Variants in PLCB4 observed in about 807,000 individuals in gnomAD.
The protein encoded by PLCB4 is 1-phosphatidylinositol 4,5-bisphosphate phosphodiesterase beta-4.
In PLCB4, 77 loss-of-function variants were observed where a neutral mutation model predicts 178.8. That is an observed-to-expected ratio of 0.43 (90% CI 0.36 to 0.52). PLCB4 has a LOEUF of 0.52. Among genes scored for constraint, PLCB4 ranks in the 20% least tolerant of loss-of-function variants. PLCB4 has a pLI of 0.00. For synonymous variants in PLCB4, 496 were observed against 490.8 expected, an observed-to-expected ratio of 1.01 and a Z score of -0.14; for missense variants, 1,024 against 1,453.4, an observed-to-expected ratio of 0.70 and a Z score of 4.80.
chr20:9,175,409 T>C (rs2093138015), intron 2 of PLCB4, among the ~76,000 whole-genome samples: 1 of 152,158 alleles, frequency 6.6e-6, no homozygotes. Context: ...CGATAAACAG[T>C]GCACTAAAGA....
At chr20:9,176,388 G>A (rs2093155643) in intron 2 of PLCB4, among the ~76,000 whole-genome samples, 1 of 152,070 alleles carries the variant, frequency 6.6e-6, no homozygotes, top group Admixed American at 6.5e-5. Flanking sequence ...GGTGGTAGAC[G>A]CATGATCAGA....
intron 2 of PLCB4, among the ~76,000 whole-genome samples, chr20:9,149,375 C>T (rs905576156): frequency 6.6e-6 from 1 of 152,176 alleles, no homozygotes; most frequent in African/African-American, 2.4e-5. Context: ...TTCACTGTCC[C>T]TCTGTGGTCT....
In PLCB4 at chr20:9,457,487, A is replaced by G. The variant is rs765459486; in HGVS notation, c.3070A>G (p.Lys1024Glu). 2.6e-5 allele frequency: 38 copies of G among 1,461,360 alleles called. No homozygotes were observed. Among genetic ancestry groups the G allele is most frequent in the Non-Finnish European group, 2.3e-5 (24 of 1,041,086 alleles). The allele number at this position is 1,461,360 out of a possible 1,614,324, so 90.5% of individuals were successfully genotyped here. Reference sequence around the variant, plus strand: ...GACGCTGACATCAGATCACAAATCTAAGGTAAGAAAATGCCCATTTTTACA... The same window carrying G: ...GACGCTGACATCAGATCACAAATCTGAGGTAAGAAAATGCCCATTTTTACA... ...IQTLTSDHKS[K>E]VKEIVAQHTK... The change falls in exon 34 of 40, where the codon AAG becomes GAG. Residue 1024 changes from lysine to glutamate, a missense_variant and splice_region_variant. Physicochemically the swap from Lys to Glu is moderately conservative, Grantham distance 56. Transcript: ENST00000378473.
At chr20:9,222,403 C>T (rs2093811137) in intron 3 of PLCB4, among the ~76,000 whole-genome samples, 1 of 151,994 alleles carries the variant, frequency 6.6e-6, no homozygotes, top group South Asian at 2.1e-4. Flanking sequence ...CTCTTGGGTG[C>T]CTTCGATTCA....
intron 28 of PLCB4, among the ~76,000 whole-genome samples, chr20:9,431,678 G>C (rs1470870337): frequency 6.7e-6 from 1 of 150,332 alleles, no homozygotes; most frequent in Non-Finnish European, 1.5e-5. Flanking sequence ...GTGTGTGTGT[G>C]TGTGTATTTT....
chr20:9,219,061 T>C (rs186478939), intron 3 of PLCB4, among the ~76,000 whole-genome samples: 1 of 152,328 alleles, frequency 6.6e-6, no homozygotes, highest in Admixed American at 6.5e-5. Context: ...TATAAACACT[T>C]GATTCAAGAG....
At chr20:9,375,057 C>T (rs1236819323) in intron 12 of PLCB4, among the ~76,000 whole-genome samples, 1 of 152,114 alleles carries the variant, frequency 6.6e-6, no homozygotes, top group Non-Finnish European at 1.5e-5. Context: ...TAAGACTACT[C>T]AGGAAAGTCT....
intron 2 of PLCB4, among the ~76,000 whole-genome samples, chr20:9,144,177 G>T (rs558323148): frequency 1.3e-5 from 2 of 152,102 alleles, no homozygotes; most frequent in African/African-American, 4.8e-5. Context: ...TGAAAGTTTA[G>T]TAAGTTTCTG....
At chr20:9,413,399 C>G (rs969882383) in intron 25 of PLCB4, among the ~76,000 whole-genome samples, 1 of 150,114 alleles carries the variant, frequency 6.7e-6, no homozygotes, top group African/African-American at 2.5e-5. Flanking sequence ...GTGGCTCACA[C>G]CTGGAATCCC....
intron 2 of PLCB4, among the ~76,000 whole-genome samples, chr20:9,214,702 TGCTGG>T (rs1380730970): frequency 1.3e-5 from 2 of 152,120 alleles, no homozygotes; most frequent in Non-Finnish European, 2.9e-5. Context: ...AAAGTTGGTA[TGCTGG>T]AGTCTTCATT....
At position 9,408,063 on chromosome 20, in the gene PLCB4, C is replaced by T; in HGVS notation, c.1789+5C>T. Reference sequence around the variant, plus strand: ...AAGGTTTCCATGTGGCAGAAGGTAACACCAAAGGTTAAATGCAGTCGCCTT... The same window carrying T: ...AAGGTTTCCATGTGGCAGAAGGTAATACCAAAGGTTAAATGCAGTCGCCTT... On this transcript the variant is annotated splice_donor_5th_base_variant and intron_variant, in intron 22 of 39. Coordinates refer to ENST00000378473, the MANE Select transcript of PLCB4 (RefSeq NM_001377142.1). 6.2e-7 allele frequency: 1 copy of T among 1,607,862 alleles called. No homozygotes were observed. Among genetic ancestry groups the T allele is most frequent in the Non-Finnish European group, 8.5e-7 (1 of 1,177,664 alleles).
intron 1 of PLCB4, among the ~76,000 whole-genome samples, chr20:9,082,286 A>C (rs1305521172): frequency 6.6e-6 from 1 of 152,240 alleles, no homozygotes; most frequent in Non-Finnish European, 1.5e-5. Flanking sequence ...CAGAGAAAGC[A>C]AGAAAGCCAT....
Position 9,387,373 on chromosome 20 carries a change from A to G in PLCB4, c.1065-90A>G, listed in dbSNP as rs1012112303. On this transcript the variant is annotated intron_variant, in intron 14 of 39. Transcript: ENST00000378473. ...TTTATTCAATTTTCTGTTCTGGAAGAAAACAACTTATTTTGATGTCTTTCT... is the reference window on the plus strand; with the variant it reads ...TTTATTCAATTTTCTGTTCTGGAAGGAAACAACTTATTTTGATGTCTTTCT... 4.0e-5 allele frequency: 27 copies of G among 670,972 alleles called. No homozygotes were observed. In the African/African-American group the frequency reaches 4.9e-4, roughly 12 times the overall value. 41.6% of individuals were successfully genotyped at this position (670,972 alleles called of 1,614,324 possible).
At chr20:9,214,942 A>T (rs2147260613) in intron 2 of PLCB4, among the ~76,000 whole-genome samples, 1 of 152,328 alleles carries the variant, frequency 6.6e-6, no homozygotes, top group South Asian at 2.1e-4. Flanking sequence ...ATTAAAGAAG[A>T]GAAGGGAAAA....
chr20:9,443,910 A>C, intron 30 of PLCB4, 71 bp from the exon 31 acceptor site: 1 of 837,114 alleles, frequency 1.2e-6, no homozygotes, highest in Non-Finnish European at 2.0e-6. Context: ...TCGATATGTC[A>C]GTTCTATATT....
chr20:9,091,441 C>A (rs1475644490), intron 1 of PLCB4, among the ~76,000 whole-genome samples: 1 of 151,926 alleles, frequency 6.6e-6, no homozygotes, highest in Non-Finnish European at 1.5e-5. Flanking sequence ...TGTAGGTATG[C>A]AGTTTATAAA....
intron 3 of PLCB4, among the ~76,000 whole-genome samples, chr20:9,282,628 T>A (rs2094503955): frequency 6.6e-6 from 1 of 152,036 alleles, no homozygotes; most frequent in Non-Finnish European, 1.5e-5. Context: ...TGTCATCCGA[T>A]TCAGCCTATT....
intron 4 of PLCB4, among the ~76,000 whole-genome samples, chr20:9,313,662 C>A (rs1355631413): frequency 1.3e-5 from 2 of 152,092 alleles, no homozygotes; most frequent in African/African-American, 4.8e-5. Flanking sequence ...TTCTTAAGCT[C>A]CTGTCTCTAT....
intron 1 of PLCB4, among the ~76,000 whole-genome samples, chr20:9,081,323 A>C (rs1209642806): frequency 1.3e-5 from 2 of 152,236 alleles, no homozygotes; most frequent in African/African-American, 4.8e-5. Context: ...TTGTTTTCCT[A>C]ATTTGCCAAA....
Sources: allele counts gnomAD v4.1 joint callset (sites outside exome capture counted in the v4.1 genomes callset), GRCh38; gene constraint gnomAD v4.1.1; transcripts MANE v1.5; gene names NCBI Gene and HGNC (gene_info 2026-07-23, HGNC 2026-07-21).